Variants in CNBD1 observed in about 807,000 individuals in gnomAD.
CNBD1 encodes the protein cyclic nucleotide-binding domain-containing protein 1.
CNBD1 carries 71 observed loss-of-function variants against 54.4 expected under a neutral mutation model. The ratio of observed to expected loss-of-function variants is 1.30; its 90% confidence interval spans 1.08 to 1.59. The LOEUF is 1.59. Among genes scored for constraint, CNBD1 ranks in the 40% most tolerant of loss-of-function variants. CNBD1 has a pLI of 0.00. For missense variants in CNBD1, 659 were observed against 518.0 expected (o/e 1.27, Z -2.64); for synonymous variants, 182 against 170.7 (o/e 1.07, Z -0.51).
At chr8:86,935,622 C>T (rs1367843376) in intron 3 of CNBD1, among the ~76,000 whole-genome samples, 1 of 151,630 alleles carries the variant, frequency 6.6e-6, no homozygotes. Context: ...TTTATGTCTG[C>T]CTTTTCTGTT....
intron 4 of CNBD1, among the ~76,000 whole-genome samples, chr8:87,086,448 T>G (rs1811098200): frequency 6.6e-6 from 1 of 152,228 alleles, no homozygotes; most frequent in Admixed American, 6.5e-5. Flanking sequence ...TTCCAGCTTT[T>G]TACTTGCTAA....
chr8:87,425,669 T>C (rs562529424), intron 2 of CNBD1, among the ~76,000 whole-genome samples: 48 of 152,212 alleles, frequency 3.2e-4, no homozygotes, highest in South Asian at 8.3e-4. Context: ...GGAGGCAGTC[T>C]GCCCGTTCTC....
At chr8:87,018,200 G>T (rs534058123) in intron 4 of CNBD1, among the ~76,000 whole-genome samples, 1 of 152,304 alleles carries the variant, frequency 6.6e-6, no homozygotes, top group South Asian at 2.1e-4. Context: ...CCAAGATTGT[G>T]CCATTGCACT....
rs531461838 is a variant in CNBD1, at chr8:86,866,641, AC to A, written c.88+62del. 157 of 1,324,066 alleles carry A rather than the reference AC, an allele frequency of 1.2e-4. No individual in the cohort carries two copies. In the East Asian group the frequency reaches 3.4e-3, roughly 29 times the overall value. The allele number at this position is 1,324,066 out of a possible 1,614,324, so 82.0% of individuals were successfully genotyped here. On this transcript the variant is annotated intron_variant, in intron 1 of 10. Transcript: ENST00000518476. Reference sequence around the variant, plus strand: ...CCTACCATTGTTTTCAGCGGTTCTTACCCCAGCTATGAAAATTGGGGGTATT... The same window carrying A: ...CCTACCATTGTTTTCAGCGGTTCTTACCCAGCTATGAAAATTGGGGGTATT...
At chr8:87,352,421 A>C (rs2130928699) in intron 9 of CNBD1, among the ~76,000 whole-genome samples, 2 of 147,606 alleles carry the variant, frequency 1.4e-5, no homozygotes, top group East Asian at 4.1e-4. Context: ...CGGAGGTTGC[A>C]GTGAGCCAAG....
rs374760540 is a variant in CNBD1 at position 86,939,617 on chromosome 8, G to A, written c.294G>A (p.Glu98=). 21 of 1,592,078 alleles carry A rather than the reference G, an allele frequency of 1.3e-5. No homozygotes were observed. Among genetic ancestry groups the A allele is most frequent in the Non-Finnish European group, 1.8e-5 (21 of 1,171,854 alleles). The change falls in exon 4 of 11, where the codon GAG becomes GAA. Residue 98 remains glutamate (E), a synonymous_variant. Coordinates refer to ENST00000518476, the MANE Select transcript of CNBD1 (RefSeq NM_173538.3). Reference sequence around the variant, plus strand: ...TCAGGGAACTCAATGAAGGCAAAGAGGAAAGTCAACATCAACAACCTGATG... The same window carrying A: ...TCAGGGAACTCAATGAAGGCAAAGAAGAAAGTCAACATCAACAACCTGATG... ...EEQRELNEGK[E]ESQHQQPDDS... is the part of the protein sequence containing the mutation.
intron 2 of CNBD1, among the ~76,000 whole-genome samples, chr8:87,417,185 G>A (rs1396550017): frequency 6.6e-6 from 1 of 151,966 alleles, no homozygotes; most frequent in Non-Finnish European, 1.5e-5. Flanking sequence ...GGTGGAAGGT[G>A]AAGGAAAAGC....
At chr8:87,227,673 A>C (rs1814536275) in intron 5 of CNBD1, among the ~76,000 whole-genome samples, 1 of 142,158 alleles carries the variant, frequency 7.0e-6, no homozygotes, top group Admixed American at 7.1e-5. Flanking sequence ...TGCCCTTAAC[A>C]TTTTTTCCTT....
intron 3 of CNBD1, among the ~76,000 whole-genome samples, chr8:86,907,579 A>C (rs1440324920): frequency 3.3e-5 from 5 of 152,002 alleles, no homozygotes; most frequent in African/African-American, 1.2e-4. Context: ...GAGGCAGGGG[A>C]ATCACTTGAA....
chr8:86,927,222 C>A (rs1809376365), intron 3 of CNBD1, among the ~76,000 whole-genome samples: 1 of 152,098 alleles, frequency 6.6e-6, no homozygotes, highest in Non-Finnish European at 1.5e-5. Context: ...GCTCTGTATT[C>A]TATTTTCCCA....
At chr8:87,386,339 C>T (rs1410054049), downstream of CNBD1, among the ~76,000 whole-genome samples, 1 of 151,760 alleles carries the variant, frequency 6.6e-6, no homozygotes, top group Non-Finnish European at 1.5e-5. Context: ...AGTTCGAACC[C>T]ATGGCAAAGA....
chr8:86,990,042 GATT>G (rs1432021394), intron 4 of CNBD1, among the ~76,000 whole-genome samples: 1 of 152,106 alleles, frequency 6.6e-6, no homozygotes, highest in East Asian at 1.9e-4. Flanking sequence ...TTTAAAATCA[GATT>G]ATTAGATTCT....
At chr8:87,310,394 AT>A (rs1020799636) in intron 8 of CNBD1, among the ~76,000 whole-genome samples, 1 of 152,094 alleles carries the variant, frequency 6.6e-6, no homozygotes, top group Admixed American at 6.6e-5. Flanking sequence ...ACACAAAAAA[AT>A]AAATACGTAG....
chr8:87,211,274 C>A (rs2130801495), intron 5 of CNBD1, among the ~76,000 whole-genome samples: 1 of 152,180 alleles, frequency 6.6e-6, no homozygotes, highest in South Asian at 2.1e-4. Flanking sequence ...TTTATAGGCT[C>A]ATAGGTGGGA....
At chr8:86,884,121 C>A in intron 1 of CNBD1, among the ~76,000 whole-genome samples, 1 of 151,272 alleles carries the variant, frequency 6.6e-6, no homozygotes, top group African/African-American at 2.4e-5. Context: ...CACTGCACTC[C>A]AGCCTGGGCG....
rs200638035 is a variant in CNBD1, at chr8:87,014,794, T to TA, written c.431+75052dup. ...TTTAAGTGTTAGGTTTAAAACAAGGTAAAAAAAAAAAATCAGGAAATAATA... is the reference window on the plus strand; with the variant it reads ...TTTAAGTGTTAGGTTTAAAACAAGGTAAAAAAAAAAAAATCAGGAAATAATA... On this transcript the variant is annotated intron_variant, in intron 4 of 10. Coordinates refer to ENST00000518476, the MANE Select transcript of CNBD1 (RefSeq NM_173538.3). Among the ~76,000 whole-genome samples the TA allele has an allele frequency of 2.4e-3, 343 of 141,286 alleles. 2 individuals carry two copies. The highest frequency in any genetic ancestry group is 4.0e-3 in the African/African-American group (159 of 39,330). 92.7% of individuals were successfully genotyped at this position (141,286 alleles called of 152,430 possible).
chr8:87,428,577 C>A (rs1002320702), exon 3 of CNBD1: 19 of 454,556 alleles, frequency 4.2e-5, no homozygotes, highest in Non-Finnish European at 7.1e-5. Flanking sequence ...AACTTATGCT[C>A]CAAACAGCTA....
chr8:87,213,232 A>C (rs1346455619), intron 5 of CNBD1, among the ~76,000 whole-genome samples: 1 of 139,764 alleles, frequency 7.2e-6, no homozygotes, highest in Admixed American at 6.8e-5. Flanking sequence ...GTTGGAACTC[A>C]TACATTTGTC....
At chr8:87,115,667 T>C (rs954940129) in intron 4 of CNBD1, among the ~76,000 whole-genome samples, 1 of 152,184 alleles carries the variant, frequency 6.6e-6, no homozygotes, top group African/African-American at 2.4e-5. Flanking sequence ...AGAGAGCTTG[T>C]GGTGTAGACA....
Sources: allele counts gnomAD v4.1 joint callset (sites outside exome capture counted in the v4.1 genomes callset), GRCh38; gene constraint gnomAD v4.1.1; transcripts MANE v1.5; gene names NCBI Gene and HGNC (gene_info 2026-07-23, HGNC 2026-07-21).